DNAAF11: variants seen among roughly 807,000 people sequenced by gnomAD.
DNAAF11 encodes the protein dynein axonemal assembly factor 11, also known as leucine rich repeat containing 6.
Under a neutral mutation model 60.8 loss-of-function variants are expected in DNAAF11, and 45 were observed. The observed-to-expected ratio is 0.74, with a 90% CI of 0.58 to 0.95. The LOEUF is 0.95. Ranked by LOEUF, DNAAF11 falls within the 40% of genes least tolerant of loss-of-function variation. DNAAF11 has a pLI of 0.00. For synonymous variants in DNAAF11, 191 were observed against 183.5 expected (o/e 1.04, Z -0.33); for missense variants, 546 against 546.2 (o/e 1.00, Z 0.00).
At chr8:132,655,615 TA>T (rs1474872056) in intron 3 of DNAAF11, among the ~76,000 whole-genome samples, 1 of 152,054 alleles carries the variant, frequency 6.6e-6, no homozygotes, top group South Asian at 2.1e-4. Context: ...AACTTAACAG[TA>T]AAAAGACAAA....
At chr8:132,577,829 T>C (rs1814911561) in intron 11 of DNAAF11, among the ~76,000 whole-genome samples, 1 of 151,530 alleles carries the variant, frequency 6.6e-6, no homozygotes, top group African/African-American at 2.4e-5. Flanking sequence ...GCCTGGCTAA[T>C]TTTTGTATTT....
chr8:132,668,452 T>C (rs935067470), intron 1 of DNAAF11, among the ~76,000 whole-genome samples: 3 of 151,860 alleles, frequency 2.0e-5, no homozygotes, highest in Non-Finnish European at 4.4e-5. Context: ...CTGAGCTGAA[T>C]CTTTTTTTTT....
At chr8:132,601,957 C>A (rs893521438) in intron 10 of DNAAF11, among the ~76,000 whole-genome samples, 19 of 151,794 alleles carry the variant, frequency 1.3e-4, no homozygotes, top group African/African-American at 4.6e-4. Flanking sequence ...TAAATTCTTC[C>A]TTTATTCTCC....
At chr8:132,583,915 T>C (rs1299006306) in intron 10 of DNAAF11, 136 bp from the exon 11 acceptor site, 2 of 647,952 alleles carry the variant, frequency 3.1e-6, no homozygotes. Flanking sequence ...GACTCAAACT[T>C]GAAGCCCCTA....
the DNAAF11 span, among the ~76,000 whole-genome samples, chr8:132,694,618 T>C: frequency 2.0e-5 from 3 of 152,194 alleles, no homozygotes; most frequent in Non-Finnish European, 4.4e-5. Flanking sequence ...ATTTGTAAAA[T>C]TGAATGATGC....
At chr8:132,633,940 A>G (rs1821046363) in intron 4 of DNAAF11, among the ~76,000 whole-genome samples, 1 of 152,130 alleles carries the variant, frequency 6.6e-6, no homozygotes, top group East Asian at 1.9e-4. Flanking sequence ...CAGTGAAACC[A>G]TTTCAGGCTT....
chr8:132,622,541 G>T, intron 7 of DNAAF11, 70 bp downstream of exon 7: 1 of 1,152,270 alleles, frequency 8.7e-7, no homozygotes, highest in African/African-American at 1.5e-5. Flanking sequence ...ACCTGGAATT[G>T]AAACAATGAT....
At chr8:132,695,355 G>T in the DNAAF11 span, among the ~76,000 whole-genome samples, 1 of 152,082 alleles carries the variant, frequency 6.6e-6, no homozygotes, top group South Asian at 2.1e-4. Context: ...GACAATTCCT[G>T]GAGCAATTTT....
intron 10 of DNAAF11, among the ~76,000 whole-genome samples, chr8:132,587,561 G>T (rs16904709): frequency 0.026 from 3,998 of 152,202 alleles, 194 homozygotes; most frequent in African/African-American, 0.091. Flanking sequence ...TCCTGGGTTG[G>T]TCTTCCTCCA....
chr8:132,696,448 A>G, the DNAAF11 span, among the ~76,000 whole-genome samples: 5 of 152,136 alleles, frequency 3.3e-5, no homozygotes, highest in African/African-American at 4.8e-5. Context: ...TAGGTATCTC[A>G]TAAAGTCATG....
chr8:132,665,312 A>G (rs1004814925), intron 1 of DNAAF11, among the ~76,000 whole-genome samples: 12 of 152,184 alleles, frequency 7.9e-5, no homozygotes, highest in African/African-American at 2.7e-4. Context: ...TTTGAACAGG[A>G]AAGCATTTTC....
the DNAAF11 span, among the ~76,000 whole-genome samples, chr8:132,696,726 C>A: frequency 6.6e-6 from 1 of 152,240 alleles, no homozygotes. Context: ...AGAATGAGAT[C>A]ATGTATTTTG....
intron 4 of DNAAF11, among the ~76,000 whole-genome samples, chr8:132,636,060 A>G (rs1419571859): frequency 6.6e-6 from 1 of 151,860 alleles, no homozygotes; most frequent in East Asian, 1.9e-4. Context: ...CTGTTGTCTA[A>G]GCCATCTAGT....
rs568885610 is a variant in DNAAF11 at position 132,639,701 on chromosome 8, C to T, written c.257-1594G>A. Among the ~76,000 whole-genome samples, 16 of 152,224 alleles carry T rather than the reference C, an allele frequency of 1.1e-4. 1 individual carries two copies. The South Asian group carries it at 2.9e-3, about 28-fold the overall frequency. ...ACGTTTTCCTCTTATTAAGTCAGAT[C>T]CCAAGCCAATCTCCTCCAAATAAGT... On this transcript the variant is annotated intron_variant, in intron 3 of 11. Transcript: ENST00000620350.
At chr8:132,690,767 A>G in the DNAAF11 span, among the ~76,000 whole-genome samples, 2 of 152,160 alleles carry the variant, frequency 1.3e-5, no homozygotes, top group African/African-American at 4.8e-5. Flanking sequence ...CCAGTTTTAC[A>G]AAGTACTGGT....
chr8:132,684,390 G>A, the DNAAF11 span, among the ~76,000 whole-genome samples: 2 of 152,210 alleles, frequency 1.3e-5, no homozygotes, highest in Non-Finnish European at 2.9e-5. Context: ...GCTCACCTGA[G>A]TTTCATTGTC....
intron 11 of DNAAF11, among the ~76,000 whole-genome samples, chr8:132,579,011 C>T (rs760855850): frequency 3.9e-5 from 6 of 152,326 alleles, no homozygotes; most frequent in Admixed American, 6.5e-5. Flanking sequence ...CAAGGCACTT[C>T]GAGGAAAGCT....
intron 10 of DNAAF11, chr8:132,608,483 A>C (rs1372296197): frequency 2.2e-6 from 1 of 452,330 alleles, no homozygotes; most frequent in Non-Finnish European, 4.5e-6. Context: ...GAAAAGGGGA[A>C]AAGAATGCTG....
chr8:132,592,883 T>G (rs963632491), intron 10 of DNAAF11, among the ~76,000 whole-genome samples: 1 of 151,792 alleles, frequency 6.6e-6, no homozygotes, highest in African/African-American at 2.4e-5. Context: ...TGAAAGGGAT[T>G]TGGGAGGTAT....
Sources: gnomAD v4.1 joint callset for allele counts (sites outside exome capture counted in the v4.1 genomes callset) on GRCh38, gnomAD v4.1.1 for gene constraint, MANE v1.5 for transcripts, NCBI Gene and HGNC (gene_info 2026-07-23, HGNC 2026-07-21) for gene names.